Variants in AGMO observed in about 807,000 individuals in gnomAD.
AGMO encodes the protein glyceryl-ether monooxygenase.
Under a neutral mutation model 60.2 loss-of-function variants are expected in AGMO, and 75 were observed. The observed-to-expected ratio is 1.25, with a 90% CI of 1.03 to 1.51. The LOEUF is 1.51. Ranked by LOEUF, AGMO falls within the 40% of genes most tolerant of loss-of-function variation. The pLI, the probability that AGMO is intolerant of heterozygous loss-of-function variation, is 0.00. For synonymous variants in AGMO, 261 were observed against 177.1 expected (o/e 1.47, Z -3.76); for missense variants, 763 against 525.5 (o/e 1.45, Z -4.42).
At chr7:15,394,364 C>T (rs1784283146) in intron 5 of AGMO, among the ~76,000 whole-genome samples, 185 bp from the exon 6 acceptor site, 1 of 152,126 alleles carries the variant, frequency 6.6e-6, no homozygotes, top group South Asian at 2.1e-4. Context: ...AATCTCAAAA[C>T]TCTATTCTGA....
At chr7:15,375,948 C>T (rs1391250344) in intron 10 of AGMO, among the ~76,000 whole-genome samples, 2 of 152,010 alleles carry the variant, frequency 1.3e-5, no homozygotes, top group African/African-American at 4.8e-5. Context: ...TCAAAGTTAA[C>T]ATTCTATTAT....
At chr7:15,335,576 G>A (rs1474235827) in intron 12 of AGMO, among the ~76,000 whole-genome samples, 1 of 152,106 alleles carries the variant, frequency 6.6e-6, no homozygotes, top group Non-Finnish European at 1.5e-5. Flanking sequence ...TAGAAATCAT[G>A]GTAAACCTGC....
chr7:15,322,471 T>C (rs1387505299), intron 12 of AGMO, among the ~76,000 whole-genome samples: 4 of 107,782 alleles, frequency 3.7e-5, no homozygotes, highest in Non-Finnish European at 7.1e-5. Context: ...TATATAAATA[T>C]ATAAATATAT....
intron 12 of AGMO, among the ~76,000 whole-genome samples, chr7:15,224,136 T>C (rs907836375): frequency 1.3e-5 from 2 of 151,912 alleles, no homozygotes; most frequent in Non-Finnish European, 2.9e-5. Context: ...TGAGTCTCTC[T>C]ATGCACAGGT....
At chr7:15,271,069 C>T (rs1411517464) in intron 12 of AGMO, among the ~76,000 whole-genome samples, 11 of 151,722 alleles carry the variant, frequency 7.3e-5, no homozygotes, top group East Asian at 3.9e-4. Context: ...CTAGTTACTA[C>T]GGCCTTGTAA....
At chr7:15,341,005 G>A (rs1327818263) in intron 12 of AGMO, among the ~76,000 whole-genome samples, 1 of 152,138 alleles carries the variant, frequency 6.6e-6, no homozygotes, top group Non-Finnish European at 1.5e-5. Context: ...AACCAAAGGG[G>A]TGGAGCTGCC....
At chr7:15,220,322 C>T (rs894104173) in intron 12 of AGMO, among the ~76,000 whole-genome samples, 7 of 147,016 alleles carry the variant, frequency 4.8e-5, no homozygotes, top group African/African-American at 1.0e-4. Flanking sequence ...TGGGTTCAAA[C>T]GATTCTCCTG....
At chr7:15,507,456 A>G (rs1160182910) in intron 3 of AGMO, among the ~76,000 whole-genome samples, 1 of 152,134 alleles carries the variant, frequency 6.6e-6, no homozygotes, top group Non-Finnish European at 1.5e-5. Context: ...GGACAGAGGC[A>G]TATGTTTAGC....
chr7:15,325,690 A>G (rs1781316063), intron 12 of AGMO, among the ~76,000 whole-genome samples: 1 of 152,184 alleles, frequency 6.6e-6, no homozygotes, highest in Non-Finnish European at 1.5e-5. Flanking sequence ...TTAAACTGAA[A>G]ATATAGCATT....
At position 15,422,668 on chromosome 7, in the gene AGMO, G is replaced by C. The variant is rs368122267; in HGVS notation, c.514-4015C>G. On this transcript the variant is annotated intron_variant, in intron 4 of 12. Coordinates refer to ENST00000342526, the MANE Select transcript of AGMO (RefSeq NM_001004320.2). Reference sequence around the variant, plus strand: ...AATTCTAAAGAGTTTCCCCAAGGTAGAGAGGAGAAAATAGGGCAGTCTCAT... The same window carrying C: ...AATTCTAAAGAGTTTCCCCAAGGTACAGAGGAGAAAATAGGGCAGTCTCAT... 2.6e-5 allele frequency among the ~76,000 whole-genome samples: 4 copies of C among 152,186 alleles called. No individual in the cohort carries two copies. In the East Asian group the frequency reaches 5.8e-4, roughly 22 times the overall value.
intron 12 of AGMO, among the ~76,000 whole-genome samples, chr7:15,335,011 C>G (rs1197701149): frequency 2.6e-5 from 4 of 152,040 alleles, no homozygotes; most frequent in African/African-American, 9.7e-5. Context: ...GAAATGCTAG[C>G]TTTATGTTGT....
chr7:15,235,450 T>C lies in AGMO; in HGVS notation c.1264-34091A>G, dbSNP rs537158100. Reference sequence around the variant, plus strand: ...AAGTAAGGTTGAAATTTAAGGTTTCTTCATTTATCCACTAGTGAGTAAGTT... The same window carrying C: ...AAGTAAGGTTGAAATTTAAGGTTTCCTCATTTATCCACTAGTGAGTAAGTT... On this transcript the variant is annotated intron_variant, in intron 12 of 12. Coordinates refer to ENST00000342526, the MANE Select transcript of AGMO (RefSeq NM_001004320.2). 7.0e-4 allele frequency among the ~76,000 whole-genome samples: 106 copies of C among 152,250 alleles called. 1 individual carries two copies. Among genetic ancestry groups the C allele is most frequent in the Admixed American group, 1.4e-3 (21 of 15,284 alleles).
chr7:15,217,149 A>G (rs913581048), intron 12 of AGMO, among the ~76,000 whole-genome samples: 1 of 152,106 alleles, frequency 6.6e-6, no homozygotes, highest in African/African-American at 2.4e-5. Context: ...CCTTGAATCT[A>G]TGAGGGCTGT....
intron 12 of AGMO, among the ~76,000 whole-genome samples, chr7:15,229,455 C>T (rs1782186257): frequency 6.7e-6 from 1 of 150,226 alleles, no homozygotes; most frequent in Non-Finnish European, 1.5e-5. Flanking sequence ...TCGCTACTTT[C>T]TTACTACTTC....
chr7:15,337,622 G>A lies in AGMO; in HGVS notation c.1263+27892C>T, dbSNP rs533451104. ...TCATTACAATTCTGCCTGGGAAAAT[G>A]AGAGGGCCAACTGCAACCCACCTGC... On this transcript the variant is annotated intron_variant, in intron 12 of 12. Coordinates refer to ENST00000342526, the MANE Select transcript of AGMO (RefSeq NM_001004320.2). Among the ~76,000 whole-genome samples, 33 of 152,300 alleles carry A rather than the reference G, an allele frequency of 2.2e-4. No individual in the cohort carries two copies. In the South Asian group the frequency reaches 5.4e-3, roughly 25 times the overall value.
At chr7:15,536,055 T>G (rs1784477379) in intron 3 of AGMO, among the ~76,000 whole-genome samples, 1 of 151,932 alleles carries the variant, frequency 6.6e-6, no homozygotes, top group Non-Finnish European at 1.5e-5. Flanking sequence ...CTTAGTCTAG[T>G]ACCTAACAAT....
intron 10 of AGMO, among the ~76,000 whole-genome samples, chr7:15,376,208 T>C (rs1783443757): frequency 6.6e-6 from 1 of 151,988 alleles, no homozygotes; most frequent in Non-Finnish European, 1.5e-5. Context: ...CCACATTACG[T>C]AACTTAGTTA....
chr7:15,431,464 G>T (rs1032795318), intron 3 of AGMO, among the ~76,000 whole-genome samples: 1 of 151,676 alleles, frequency 6.6e-6, no homozygotes, highest in Non-Finnish European at 1.5e-5. Flanking sequence ...TACATTCAAC[G>T]GATAGTGATG....
At chr7:15,186,608 G>C in the AGMO span, among the ~76,000 whole-genome samples, 1 of 152,170 alleles carries the variant, frequency 6.6e-6, no homozygotes, top group Non-Finnish European at 1.5e-5. Flanking sequence ...CAGAAGGAAA[G>C]AATTCTAAGA....
Sources: allele counts gnomAD v4.1 joint callset (sites outside exome capture counted in the v4.1 genomes callset), GRCh38; gene constraint gnomAD v4.1.1; transcripts MANE v1.5; gene names NCBI Gene and HGNC (gene_info 2026-07-23, HGNC 2026-07-21).